MAPK11: variants seen among roughly 807,000 people sequenced by gnomAD.
MAPK11 encodes the protein MAP kinase 11.
A neutral mutation model predicts 52.2 loss-of-function variants in MAPK11; 44 were observed. The observed-to-expected ratio is 0.84, with a 90% CI of 0.66 to 1.08. The LOEUF (loss-of-function observed/expected upper bound fraction) is 1.08. MAPK11 is among the 50% of genes least tolerant of loss of function. The pLI is 0.00. For synonymous variants in MAPK11, 233 were observed against 206.3 expected (o/e 1.13, Z -1.11); for missense variants, 436 against 494.7 (o/e 0.88, Z 1.13).
chr22:50,266,283 G>C lies in MAPK11; in HGVS notation c.705C>G (p.Ile235Met). 1 of 1,608,254 alleles carries C rather than the reference G, an allele frequency of 6.2e-7. No individual in the cohort carries two copies. Among genetic ancestry groups the C allele is most frequent in the Non-Finnish European group, 8.5e-7 (1 of 1,177,460 alleles). Residue 235 changes from isoleucine (I) to methionine (M), a missense_variant, in exon 9 of 12, where the codon ATC (isoleucine) becomes ATG (methionine). Ile to Met is a conservative substitution (Grantham distance 10). Transcript: ENST00000330651. ...GGCTGGGTGTGCCCACCACTTCCAT[G>C]ATGCGCTTCAGCTGGTCAATGTCTG... ...GSDYIDQLKR[I>M]MEVVGTPSPE...
At chr22:50,267,682 T>A (rs1474380880) in intron 2 of MAPK11, 55 bp from the exon 3 acceptor site, 12 of 1,476,974 alleles carry the variant, frequency 8.1e-6, no homozygotes, top group Non-Finnish European at 9.9e-6. Context: ...GTCGTTCAGC[T>A]CCCCCCGGGC....
intron 2 of MAPK11, 62 bp from the exon 3 acceptor site, chr22:50,267,689 G>A: frequency 2.7e-6 from 4 of 1,464,236 alleles, no homozygotes; most frequent in Admixed American, 4.7e-5. Flanking sequence ...AGCTCCCCCC[G>A]GGCCACGCCC....
chr22:50,266,239 A>C lies in MAPK11; in HGVS notation c.749T>G (p.Ile250Ser), dbSNP rs1304245759. 1 of 1,597,766 alleles carries C rather than the reference A, an allele frequency of 6.3e-7. No individual in the cohort carries two copies. Among genetic ancestry groups the C allele is most frequent in the South Asian group, 1.1e-5 (1 of 88,690 alleles). Residue 250 changes from isoleucine (I) to serine (S), a missense_variant, in exon 9 of 12, where the codon ATC becomes AGC. Ile to Ser is a moderately radical substitution (Grantham distance 142, BLOSUM62 -2). Transcript: ENST00000330651. ...GCACCAACTCACGTGTTCTGAGGAG[A>C]TTTTTGCCAGAACCTCAGGGCTGGG... is the stretch of plus-strand genomic sequence containing the variant. ...GTPSPEVLAK[I>S]SSEHARTYIQ...
chr22:50,267,700 C>T (rs2065276379), intron 2 of MAPK11, 73 bp from the exon 3 acceptor site: 1 of 1,459,682 alleles, frequency 6.9e-7, no homozygotes, highest in Non-Finnish European at 9.0e-7. Context: ...GGCCACGCCC[C>T]CAGTGCCAGG....
rs780749802 is a variant in MAPK11 at position 50,267,835 on chromosome 22, G to A, written c.231C>T (p.His77=). The A allele has an allele frequency of 1.3e-6, 2 of 1,568,972 alleles. No individual in the cohort carries two copies. The highest frequency in any genetic ancestry group is 8.6e-7 in the Non-Finnish European group (1 of 1,160,802). The part of the protein sequence containing the change: ...RTYRELRLLK[H]LKHENVIGLL... ...CCCGGCTCACGTTCTCGTGCTTCAG[G>A]TGCTTGAGCAGCCGCAGCTCCCGGT... The change falls in exon 2 of 12, where the codon CAC becomes CAT. Residue 77 remains histidine, a synonymous_variant. Transcript: ENST00000330651.
intron 1 of MAPK11, among the ~76,000 whole-genome samples, chr22:50,269,117 C>T (rs1195457951): frequency 6.6e-6 from 1 of 152,132 alleles, no homozygotes; most frequent in African/African-American, 2.4e-5. Flanking sequence ...ATGACCCACC[C>T]TAGTCCCCTA....
intron 9 of MAPK11, 127 bp downstream of exon 9, chr22:50,266,099 C>T (rs1245004795): frequency 2.6e-6 from 2 of 769,628 alleles, no homozygotes; most frequent in Admixed American, 5.6e-5. Context: ...GGCACCTGCC[C>T]TAGGCTCTAT....
rs568278330 is a variant in MAPK11, at chr22:50,267,546, G to T, written c.305+23C>A. The T allele has an allele frequency of 3.2e-6, 5 of 1,543,760 alleles. No homozygotes were observed. The African/African-American group carries it at 6.8e-5, about 21-fold the overall frequency. ...CCCCACCGCGAACGCGCTCCCCGCT[G>T]CCTCGCCCGCCCCGCCGCTCACACT... On this transcript the variant is annotated intron_variant, in intron 3 of 11. Transcript: ENST00000330651.
chr22:50,264,742 C>T lies in MAPK11; in HGVS notation c.*206G>A, dbSNP rs2065248428. ...AAGGTAGGCCCAGGGACACTTGTGC[C>T]CAGACTCCTACACATGGCAAGCACA... On this transcript the variant is annotated 3_prime_UTR_variant, in exon 12 of 12. Transcript: ENST00000330651. 1 of 538,954 alleles carries T rather than the reference C, an allele frequency of 1.9e-6. No individual in the cohort carries two copies. 33.4% of individuals were successfully genotyped at this position (538,954 alleles called of 1,614,324 possible).
intron 2 of MAPK11, 26 bp downstream of exon 2, chr22:50,267,794 C>G (rs759752531): frequency 1.3e-6 from 2 of 1,495,162 alleles, no homozygotes; most frequent in East Asian, 2.8e-5. Flanking sequence ...CACGCGCCCT[C>G]CCCCCACGGC....
Position 50,265,328 on chromosome 22 carries a change from C to G in MAPK11, c.1008G>C (p.Glu336Asp), listed in dbSNP as rs150537389. Reference sequence around the variant, plus strand: ...AGCCACTGCCATGCTCACCCTTCCACTCCTCCAGCGTGCGCTCCTTGGCCT... The same window carrying G: ...AGCCACTGCCATGCTCACCCTTCCAGTCCTCCAGCGTGCGCTCCTTGGCCT... ...SVEAKERTLE[E>D]WKELTYQEVL... The change falls in exon 11 of 12, where the codon GAG (glutamate) becomes GAC (aspartate). Residue 336 changes from glutamate to aspartate, a missense_variant. Transcript: ENST00000330651. 1.4e-5 allele frequency: 22 copies of G among 1,612,974 alleles called. No individual in the cohort carries two copies. The highest frequency in any genetic ancestry group is 1.1e-5 in the Non-Finnish European group (13 of 1,179,948).
chr22:50,266,645 C>T (rs2065264432), intron 7 of MAPK11, 34 bp from the exon 8 acceptor site: 1 of 1,562,676 alleles, frequency 6.4e-7, no homozygotes, highest in African/African-American at 1.4e-5. Context: ...CATCAGTGTG[C>T]CCACCCCACG....
Position 50,267,562 on chromosome 22 carries a change from C to A in MAPK11, c.305+7G>T. ...CTCCCCGCTGCCTCGCCCGCCCCGC[C>A]GCTCACACTTCGCTGAAGTCCTCGA... On this transcript the variant is annotated splice_region_variant and intron_variant, in intron 3 of 11. Coordinates refer to ENST00000330651, the MANE Select transcript of MAPK11 (RefSeq NM_002751.7). 1 of 1,546,458 alleles carries A rather than the reference C, an allele frequency of 6.5e-7. No homozygotes were observed. Among genetic ancestry groups the A allele is most frequent in the South Asian group, 1.2e-5 (1 of 84,558 alleles).
chr22:50,270,149 C>T lies in MAPK11; in HGVS notation c.116+28G>A. On this transcript the variant is annotated intron_variant, in intron 1 of 11. Coordinates refer to ENST00000330651, the MANE Select transcript of MAPK11 (RefSeq NM_002751.7). The surrounding 1 kb of genome is among the most constrained non-coding windows in gnomAD (Gnocchi z 6.3). ...GCTCTCCGGCCCGGCCCGGCCCCCA[C>T]CCAGCACCCCTTCTGCCCCGCCCCT... 1 of 1,237,680 alleles carries T rather than the reference C, an allele frequency of 8.1e-7. No individual in the cohort carries two copies. The allele number at this position is 1,237,680 out of a possible 1,614,324, so 76.7% of individuals were successfully genotyped here.
rs1430281178 is a variant in MAPK11 at position 50,265,601 on chromosome 22, G to A, written c.822C>T (p.Phe274=). 6.2e-7 allele frequency: 1 copy of A among 1,611,440 alleles called. No homozygotes were observed. Among genetic ancestry groups the A allele is most frequent in the African/African-American group, 1.3e-5 (1 of 75,024 alleles). The part of the protein sequence containing the change: ...PMPQKDLSSI[F]RGANPLAIDL... ...CCTCACCCAGGGGGTTGGCTCCACGGAAGATGCTGCTCAGGTCCTTCTGGG... is the reference window on the plus strand; with the variant it reads ...CCTCACCCAGGGGGTTGGCTCCACGAAAGATGCTGCTCAGGTCCTTCTGGG... The change falls in exon 10 of 12, where the codon TTC becomes TTT. Residue 274 remains phenylalanine (F), a synonymous_variant. Coordinates refer to ENST00000330651, the MANE Select transcript of MAPK11 (RefSeq NM_002751.7).
Position 50,270,143 on chromosome 22 carries a change from C to T in MAPK11, c.116+34G>A, listed in dbSNP as rs1401966336. 5.2e-6 allele frequency: 6 copies of T among 1,164,208 alleles called. No homozygotes were observed. Among genetic ancestry groups the T allele is most frequent in the South Asian group, 1.9e-5 (1 of 52,362 alleles). 72.1% of individuals were successfully genotyped at this position (1,164,208 alleles called of 1,614,324 possible). A position where few individuals can be genotyped will look rare whatever the true frequency, so the allele number is the denominator to read the frequency against. ...GGACGCGCTCTCCGGCCCGGCCCGG[C>T]CCCCACCCAGCACCCCTTCTGCCCC... On this transcript the variant is annotated intron_variant, in intron 1 of 11. Coordinates refer to ENST00000330651, the MANE Select transcript of MAPK11 (RefSeq NM_002751.7). This position sits in a 1 kb window ranked among gnomAD's most constrained non-coding sequence, Gnocchi z 6.3.
In MAPK11 at chr22:50,267,284, G is replaced by C; in HGVS notation, c.420C>G (p.Tyr140Ter). ...LVYQLLRGLK[Y>*]IHSAGIIHRD... ...GGTGGATGATCCCGGCCGAGTGGAT[G>C]TACTGCGGGAGGGGGATTGTGGTGA... is the stretch of plus-strand genomic sequence containing the variant. The change falls in exon 5 of 12, where the codon TAC (tyrosine) becomes TAG (stop). Residue 140 changes from tyrosine to a stop codon, truncating the protein, a stop_gained and splice_region_variant. Coordinates refer to ENST00000330651, the MANE Select transcript of MAPK11 (RefSeq NM_002751.7). LOFTEE classifies it high-confidence loss of function. The C allele has an allele frequency of 6.2e-7, 1 of 1,602,142 alleles. No individual in the cohort carries two copies. The highest frequency in any genetic ancestry group is 8.5e-7 in the Non-Finnish European group (1 of 1,176,202).
Position 50,265,370 on chromosome 22 carries a change from T to G in MAPK11, c.966A>C (p.Pro322=), listed in dbSNP as rs979138510. 6.2e-7 allele frequency: 1 copy of G among 1,613,174 alleles called. No homozygotes were observed. The highest frequency in any genetic ancestry group is 8.5e-7 in the Non-Finnish European group (1 of 1,179,992). The stretch of plus-strand genomic sequence containing the variant: ...CCTTGGCCTCAACGCTCTCATCATA[T>G]GGCTCGGCCTCTGGCTCATCCTCGG... ...HDPEDEPEAE[P]YDESVEAKER... Residue 322 remains proline (P), a synonymous_variant, in exon 11 of 12, where the codon CCA becomes CCC. Coordinates refer to ENST00000330651, the MANE Select transcript of MAPK11 (RefSeq NM_002751.7).
At chr22:50,266,352 G>A (rs765637226) in intron 8 of MAPK11, 47 bp from the exon 9 acceptor site, 2 of 1,556,064 alleles carry the variant, frequency 1.3e-6, no homozygotes, top group Non-Finnish European at 8.7e-7. Flanking sequence ...GACCCCTCCT[G>A]GGCCCCCAGA....
Sources: allele counts gnomAD v4.1 joint callset (sites outside exome capture counted in the v4.1 genomes callset), GRCh38; gene constraint gnomAD v4.1.1; non-coding constraint Gnocchi (gnomAD v3.1); transcripts MANE v1.5; gene names NCBI Gene and HGNC (gene_info 2026-07-23, HGNC 2026-07-21).